Variants in FRMD4A observed in about 807,000 individuals in gnomAD.
FRMD4A encodes the protein FERM domain-containing protein 4A.
Under a neutral mutation model 129.1 loss-of-function variants are expected in FRMD4A, and 29 were observed. The observed-to-expected ratio is 0.22, with a 90% confidence interval of 0.17 to 0.31. The LOEUF (loss-of-function observed/expected upper bound fraction) is 0.31, where lower values mean the gene tolerates loss of function less well. Ranked by LOEUF, FRMD4A falls within the 10% of genes least tolerant of loss-of-function variation. The pLI is 1.00. For missense variants in FRMD4A, 1,272 were observed against 1,375.8 expected, an observed-to-expected ratio of 0.92 and a Z score of 1.19; for synonymous variants, 634 against 571.6, an observed-to-expected ratio of 1.11 and a Z score of -1.56.
At chr10:14,204,798 T>C (rs1346026815) in intron 2 of FRMD4A, among the ~76,000 whole-genome samples, 1 of 151,798 alleles carries the variant, frequency 6.6e-6, no homozygotes, top group African/African-American at 2.4e-5. Flanking sequence ...CAGAGAGAAA[T>C]CGAGAAGATT....
chr10:13,727,613 C>A (rs2089995716), intron 12 of FRMD4A, among the ~76,000 whole-genome samples: 1 of 152,170 alleles, frequency 6.6e-6, no homozygotes, highest in Non-Finnish European at 1.5e-5. Flanking sequence ...CCAGGGCACA[C>A]CCCAGTAAAC....
intron 2 of FRMD4A, among the ~76,000 whole-genome samples, chr10:14,065,152 G>A (rs1395006514): frequency 6.6e-6 from 1 of 152,054 alleles, no homozygotes; most frequent in Non-Finnish European, 1.5e-5. Context: ...ATAGAGAATA[G>A]CCTCGCCTAA....
At chr10:14,212,204 G>A (rs948948583) in intron 2 of FRMD4A, among the ~76,000 whole-genome samples, 1 of 152,120 alleles carries the variant, frequency 6.6e-6, no homozygotes, top group Non-Finnish European at 1.5e-5. Flanking sequence ...GGCCACCACC[G>A]ATATCCAGTG....
intron 2 of FRMD4A, among the ~76,000 whole-genome samples, chr10:13,892,058 C>T (rs1391579049): frequency 6.7e-6 from 1 of 149,354 alleles, no homozygotes; most frequent in African/African-American, 2.5e-5. Flanking sequence ...CGCCCCCAGT[C>T]GCCGCCAGAG....
At chr10:14,294,184 AT>A (rs1409389798) in intron 2 of FRMD4A, among the ~76,000 whole-genome samples, 1 of 152,070 alleles carries the variant, frequency 6.6e-6, no homozygotes, top group Non-Finnish European at 1.5e-5. Context: ...ATTGATGTTT[AT>A]TTTATTCTTC....
chr10:13,804,234 G>A (rs763288333), intron 4 of FRMD4A, among the ~76,000 whole-genome samples: 1 of 152,210 alleles, frequency 6.6e-6, no homozygotes, highest in Non-Finnish European at 1.5e-5. Context: ...CAGATAATAC[G>A]TGGAAATCCC....
At chr10:13,684,478 G>A in intron 15 of FRMD4A, 2 of 985,354 alleles carry the variant, frequency 2.0e-6, no homozygotes, top group Non-Finnish European at 2.4e-6. Flanking sequence ...GGGGACAGCT[G>A]GGTGTGGAGG....
chr10:13,684,708 G>A (rs532817779), intron 15 of FRMD4A: 1 of 985,262 alleles, frequency 1.0e-6, no homozygotes, highest in South Asian at 4.7e-5. Flanking sequence ...TGACACAGAG[G>A]GGATATTGAT....
chr10:14,251,852 G>C (rs931924796), intron 2 of FRMD4A, among the ~76,000 whole-genome samples: 2 of 151,856 alleles, frequency 1.3e-5, no homozygotes, highest in African/African-American at 4.8e-5. Flanking sequence ...TAGGTTTATG[G>C]GAGGAAGATC....
At chr10:14,198,827 G>A (rs1438544228) in intron 2 of FRMD4A, among the ~76,000 whole-genome samples, 3 of 152,154 alleles carry the variant, frequency 2.0e-5, no homozygotes. Flanking sequence ...TTTATGAGCT[G>A]CGAGACCGCT....
At chr10:13,853,544 A>AC (rs2094168659) in intron 3 of FRMD4A, among the ~76,000 whole-genome samples, 2 of 151,926 alleles carry the variant, frequency 1.3e-5, no homozygotes, top group Admixed American at 6.6e-5. Context: ...CTGAAAAAAA[A>AC]GTGGGGGCCA....
chr10:14,184,914 C>T (rs1435226036), intron 2 of FRMD4A, among the ~76,000 whole-genome samples: 1 of 152,150 alleles, frequency 6.6e-6, no homozygotes, highest in African/African-American at 2.4e-5. Flanking sequence ...CACAAACAAA[C>T]GCGACCGCTA....
At chr10:13,790,948 G>A (rs554745376) in intron 5 of FRMD4A, among the ~76,000 whole-genome samples, 174 of 152,244 alleles carry the variant, frequency 1.1e-3, no homozygotes, top group African/African-American at 3.6e-3. Flanking sequence ...GGAAAGGCTC[G>A]AGGGAGAAGC....
chr10:14,137,139 G>T (rs1026247832), intron 2 of FRMD4A, among the ~76,000 whole-genome samples: 3 of 152,208 alleles, frequency 2.0e-5, no homozygotes, highest in Non-Finnish European at 4.4e-5. Context: ...ATGTTCATAA[G>T]GCCTCGCCTC....
chr10:13,731,726 C>G (rs1360468116), intron 12 of FRMD4A, among the ~76,000 whole-genome samples: 1 of 151,124 alleles, frequency 6.6e-6, no homozygotes, highest in Non-Finnish European at 1.5e-5. Context: ...TTAAAAAGAA[C>G]TTATATATGC....
chr10:14,230,612 T>G (rs1247251550), intron 2 of FRMD4A, among the ~76,000 whole-genome samples: 1 of 152,200 alleles, frequency 6.6e-6, no homozygotes, highest in Non-Finnish European at 1.5e-5. Context: ...TTTAAAATTT[T>G]TTATTGTGAT....
At chr10:14,225,176 A>T (rs976476195) in intron 2 of FRMD4A, among the ~76,000 whole-genome samples, 5 of 152,220 alleles carry the variant, frequency 3.3e-5, no homozygotes, top group African/African-American at 7.2e-5. Context: ...TTGCTGAAAA[A>T]CATTTAGCCT....
chr10:14,219,378 T>C (rs542814545), intron 2 of FRMD4A, among the ~76,000 whole-genome samples: 1 of 152,150 alleles, frequency 6.6e-6, no homozygotes, highest in South Asian at 2.1e-4. Flanking sequence ...CAAGTGAAAT[T>C]AGGTAATCCA....
intron 2 of FRMD4A, among the ~76,000 whole-genome samples, chr10:14,108,748 T>C (rs1314790084): frequency 6.6e-6 from 1 of 152,154 alleles, no homozygotes; most frequent in African/African-American, 2.4e-5. Context: ...CCCTCATATT[T>C]GCTAAAGAGA....
Sources: allele counts gnomAD v4.1 joint callset (sites outside exome capture counted in the v4.1 genomes callset), GRCh38; gene constraint gnomAD v4.1.1; transcripts MANE v1.5; gene names NCBI Gene and HGNC (gene_info 2026-07-23, HGNC 2026-07-21).